The following CELF2 variants were observed in gnomAD, a reference collection of about 807,000 sequenced individuals.
CELF2 encodes CUG triplet repeat RNA-binding protein 2.
CELF2 carries 8 observed loss-of-function variants against 62.6 expected under a neutral mutation model. That is an observed-to-expected ratio of 0.13 (90% CI 0.07 to 0.23). The LOEUF is 0.23. Ranked by LOEUF, CELF2 falls within the 10% of genes least tolerant of loss-of-function variation. The pLI, the probability that CELF2 is intolerant of heterozygous loss-of-function variation, is 1.00. For synonymous variants in CELF2, 258 were observed against 250.0 expected, an observed-to-expected ratio of 1.03 and a Z score of -0.30; for missense variants, 333 against 671.0, an observed-to-expected ratio of 0.50 and a Z score of 5.56.
At chr10:11,258,235 G>A (rs969944942) in intron 5 of CELF2, among the ~76,000 whole-genome samples, 1 of 152,168 alleles carries the variant, frequency 6.6e-6, no homozygotes, top group Non-Finnish European at 1.5e-5. Flanking sequence ...CTTAGTCCTC[G>A]GGCTTCCTGC....
chr10:10,673,143 C>A, the CELF2 span, among the ~76,000 whole-genome samples: 1 of 151,960 alleles, frequency 6.6e-6, no homozygotes, highest in Non-Finnish European at 1.5e-5. Context: ...TATAACTTTA[C>A]CATAATAATC....
chr10:11,279,682 GAC>G (rs1325073399), intron 8 of CELF2, among the ~76,000 whole-genome samples: 9 of 152,152 alleles, frequency 5.9e-5, no homozygotes, highest in East Asian at 3.8e-4. Context: ...TGAACAATAA[GAC>G]ACAAAATTAC....
At chr10:10,588,468 C>A in the CELF2 span, among the ~76,000 whole-genome samples, 1 of 152,078 alleles carries the variant, frequency 6.6e-6, no homozygotes, top group Non-Finnish European at 1.5e-5. Flanking sequence ...TATTAAAGGG[C>A]GTATTGGGAT....
chr10:11,147,563 A>T (rs2062509556), intron 1 of CELF2, among the ~76,000 whole-genome samples: 1 of 152,148 alleles, frequency 6.6e-6, no homozygotes. Context: ...AGCTTTTTGG[A>T]GTGTGGCTTT....
the CELF2 span, among the ~76,000 whole-genome samples, chr10:10,769,093 A>C: frequency 1.3e-5 from 2 of 152,164 alleles, no homozygotes; most frequent in East Asian, 3.9e-4. Flanking sequence ...TCTCCCCAAG[A>C]TATCCTTCAG....
intron 2 of CELF2, among the ~76,000 whole-genome samples, chr10:10,975,462 T>C (rs930098261): frequency 6.6e-6 from 1 of 152,170 alleles, no homozygotes; most frequent in Admixed American, 6.5e-5. Context: ...TTGATTTTCT[T>C]TGATGAAAGA....
At chr10:10,604,432 A>T in the CELF2 span, among the ~76,000 whole-genome samples, 13 of 152,222 alleles carry the variant, frequency 8.5e-5, no homozygotes, top group East Asian at 7.7e-4. Flanking sequence ...GAGTAAAATG[A>T]ATCTCTAAGT....
At chr10:11,064,987 T>C (rs2067704140) in intron 1 of CELF2, among the ~76,000 whole-genome samples, 1 of 152,376 alleles carries the variant, frequency 6.6e-6, no homozygotes, top group East Asian at 1.9e-4. Flanking sequence ...ACCTAGACTA[T>C]CCCTGGTAAT....
chr10:11,165,646 C>G lies in CELF2; in HGVS notation c.235C>G (p.Leu79Val). 1 of 1,614,112 alleles carries G rather than the reference C, an allele frequency of 6.2e-7. No homozygotes were observed. The highest frequency in any genetic ancestry group is 8.5e-7 in the Non-Finnish European group (1 of 1,179,972). Residue 79 changes from leucine (L) to valine (V), a missense_variant, in exon 2 of 13, where the codon CTC becomes GTC. Around this residue, in one of 3 missense-constraint regions of CELF2, gnomAD observed 253 missense variants for 503.0 expected, o/e 0.50. Transcript: ENST00000633077. This position sits in a 1 kb window ranked among gnomAD's most constrained non-coding sequence, Gnocchi z 7.4. ...CGGAGCCGTCTACCAGATCAACGTC[C>G]TCCGGGACCGGAGTCAGAACCCTCC... is the stretch of plus-strand genomic sequence containing the variant. ...PYGAVYQINVLRDRSQNPPQS... is the reference protein window; with the variant it reads ...PYGAVYQINVVRDRSQNPPQS...
In CELF2 at chr10:11,262,940, C is replaced by CTTTTTTTTTTTTTTTTTTTTTTTTTTTT. The variant is rs553831640; in HGVS notation, c.539-3631_539-3630insTTTTTTTTTTTTTTTTTTTTTTTTTTTT. On this transcript the variant is annotated intron_variant, in intron 5 of 12. Transcript: ENST00000633077. ...GTTCATGCTTTTAAAAGTGGCTTTA[C>CTTTTTTTTTTTTTTTTTTTTTTTTTTTT]TTTTTTTTTTTTTTTTTTTTTTTTT... is the stretch of plus-strand genomic sequence containing the variant. 2.5e-4 allele frequency among the ~76,000 whole-genome samples: 13 copies of CTTTTTTTTTTTTTTTTTTTTTTTTTTTT among 52,766 alleles called. 5 individuals are homozygous for CTTTTTTTTTTTTTTTTTTTTTTTTTTTT. Among genetic ancestry groups the CTTTTTTTTTTTTTTTTTTTTTTTTTTTT allele is most frequent in the South Asian group, 2.3e-3 (2 of 858 alleles). 34.6% of individuals were successfully genotyped at this position (52,766 alleles called of 152,430 possible).
chr10:10,858,873 A>G (rs903881776), intron 1 of CELF2, among the ~76,000 whole-genome samples: 1 of 152,298 alleles, frequency 6.6e-6, no homozygotes, highest in Non-Finnish European at 1.5e-5. Flanking sequence ...AGTAAGGAGG[A>G]TTATAACTTT....
At chr10:11,130,542 G>A (rs2059459512) in intron 1 of CELF2, among the ~76,000 whole-genome samples, 1 of 152,220 alleles carries the variant, frequency 6.6e-6, no homozygotes, top group South Asian at 2.1e-4. Flanking sequence ...TATTTGTGAT[G>A]TGTGTATGTA....
At chr10:11,106,207 T>TTTTTTTTATTTA (rs1554839842) in intron 1 of CELF2, among the ~76,000 whole-genome samples, 4 of 140,440 alleles carry the variant, frequency 2.8e-5, no homozygotes, top group Admixed American at 1.4e-4. Context: ...TTTTACTTTA[T>TTTTTTTTATTTA]TTTATTTATT....
At chr10:10,779,794 T>C in the CELF2 span, among the ~76,000 whole-genome samples, 1 of 152,096 alleles carries the variant, frequency 6.6e-6, no homozygotes, top group Non-Finnish European at 1.5e-5. Flanking sequence ...ATCACAGATC[T>C]AAATTTTCCC....
intron 1 of CELF2, among the ~76,000 whole-genome samples, chr10:11,019,105 T>G (rs1347413249): frequency 6.6e-6 from 1 of 152,170 alleles, no homozygotes; most frequent in Non-Finnish European, 1.5e-5. Flanking sequence ...GGAAAGTATG[T>G]CTAATTTTTA....
chr10:10,767,293 C>G, the CELF2 span, among the ~76,000 whole-genome samples: 3 of 151,826 alleles, frequency 2.0e-5, no homozygotes, highest in Non-Finnish European at 4.4e-5. Flanking sequence ...CTTCCAAAGT[C>G]GATGACAGGG....
At chr10:10,616,717 TGTGAGAGA>T in the CELF2 span, among the ~76,000 whole-genome samples, 206 of 138,780 alleles carry the variant, frequency 1.5e-3, no homozygotes, top group East Asian at 0.011. Flanking sequence ...TGTGTGTGTG[TGTGAGAGA>T]GAGAGAGAGA....
the CELF2 span, among the ~76,000 whole-genome samples, chr10:10,653,859 A>G: frequency 6.6e-6 from 1 of 151,302 alleles, no homozygotes; most frequent in East Asian, 1.9e-4. Flanking sequence ...GCAAGAAATA[A>G]CTAAAATCAG....
the CELF2 span, among the ~76,000 whole-genome samples, chr10:10,545,089 C>T: frequency 1.3e-5 from 2 of 152,162 alleles, no homozygotes; most frequent in Non-Finnish European, 2.9e-5. Context: ...AATCAGCCCA[C>T]GCAAGTCCTC....
Sources: allele counts gnomAD v4.1 joint callset (sites outside exome capture counted in the v4.1 genomes callset), GRCh38; gene constraint gnomAD v4.1.1; regional missense constraint gnomAD v4.1.1; non-coding constraint Gnocchi (gnomAD v3.1); transcripts MANE v1.5; gene names NCBI Gene and HGNC (gene_info 2026-07-23, HGNC 2026-07-21).